PIK3C2G: variants seen among roughly 807,000 people sequenced by gnomAD.
PIK3C2G encodes phosphatidylinositol-4-phosphate 3-kinase catalytic subunit type 2 gamma.
Under a neutral mutation model 181.1 loss-of-function variants are expected in PIK3C2G, and 168 were observed. That is an observed-to-expected ratio of 0.93 (90% CI 0.82 to 1.05). The LOEUF is 1.05. Ranked by LOEUF, PIK3C2G falls within the 50% of genes least tolerant of loss-of-function variation. The pLI, the probability that PIK3C2G is intolerant of heterozygous loss-of-function variation, is 0.00. For missense variants in PIK3C2G, 1,869 were observed against 1,732.8 expected, an observed-to-expected ratio of 1.08 and a Z score of -1.40; for synonymous variants, 573 against 592.2, an observed-to-expected ratio of 0.97 and a Z score of 0.47.
intron 18 of PIK3C2G, among the ~76,000 whole-genome samples, chr12:18,439,083 C>T (rs1342517681): frequency 6.6e-6 from 1 of 151,790 alleles, no homozygotes; most frequent in Non-Finnish European, 1.5e-5. Context: ...CTCTTCTTGT[C>T]TTATCCTAAT....
At chr12:18,298,700 A>T (rs778329569) in intron 5 of PIK3C2G, among the ~76,000 whole-genome samples, 1 of 151,732 alleles carries the variant, frequency 6.6e-6, no homozygotes, top group Non-Finnish European at 1.5e-5. Flanking sequence ...TAAGTCTTTA[A>T]TGTACTTTGA....
chr12:18,373,018 C>CA (rs890334910), intron 13 of PIK3C2G, among the ~76,000 whole-genome samples: 54 of 151,750 alleles, frequency 3.6e-4, no homozygotes, highest in South Asian at 6.3e-4. Context: ...AAACATTTTT[C>CA]AAAAAAAACC....
Position 18,391,133 on chromosome 12 carries a change from A to G in PIK3C2G, c.2007A>G (p.Pro669=), listed in dbSNP as rs766685438. 1.2e-5 allele frequency: 19 copies of G among 1,597,690 alleles called. No homozygotes were observed. Among genetic ancestry groups the G allele is most frequent in the Non-Finnish European group, 3.4e-6 (4 of 1,173,120 alleles). Residue 669 remains proline, a synonymous_variant, in exon 15 of 33, where the codon CCA becomes CCG. Transcript: ENST00000538779. ...TTTTTTTCTTTCAGATTGATTTTCCAGCTACTGGGTGGGAGTATATGAAAC... is the reference window on the plus strand; with the variant it reads ...TTTTTTTCTTTCAGATTGATTTTCCGGCTACTGGGTGGGAGTATATGAAAC... The part of the protein sequence containing the change: ...PSPVTLQIDF[P]ATGWEYMKPD...
intron 11 of PIK3C2G, among the ~76,000 whole-genome samples, chr12:18,348,408 G>A (rs1298710030): frequency 6.6e-6 from 1 of 151,974 alleles, no homozygotes; most frequent in African/African-American, 2.4e-5. Context: ...TACATGCAGA[G>A]TAAAAATAGA....
chr12:18,546,344 G>A lies in PIK3C2G; in HGVS notation c.3502G>A (p.Glu1168Lys), dbSNP rs1381086997. The change falls in exon 26 of 33, where the codon GAG becomes AAG. Residue 1168 changes from glutamate to lysine, a missense_variant. Physicochemically the swap from Glu to Lys is moderately conservative, Grantham distance 56. Transcript: ENST00000538779. ...TAAGATGCTGTATGCAGGACTGCCT[G>A]AGCTAAGTGGAATTCAAGACCTGAA... Reference protein sequence around the residue: ...LEMMLYAGLPELSGIQDLKYV... With the variant: ...LEMMLYAGLPKLSGIQDLKYV... 14 of 1,594,940 alleles carry A rather than the reference G, an allele frequency of 8.8e-6. No individual in the cohort carries two copies. Among genetic ancestry groups the A allele is most frequent in the South Asian group, 1.1e-5 (1 of 88,324 alleles).
chr12:18,416,089 A>G (rs767782121), intron 16 of PIK3C2G, among the ~76,000 whole-genome samples: 1 of 152,136 alleles, frequency 6.6e-6, no homozygotes, highest in Admixed American at 6.5e-5. Flanking sequence ...TACTGAAAAT[A>G]CAAAAATTAG....
intron 18 of PIK3C2G, among the ~76,000 whole-genome samples, chr12:18,456,883 A>G (rs965115782): frequency 1.3e-5 from 2 of 152,188 alleles, no homozygotes; most frequent in African/African-American, 4.8e-5. Flanking sequence ...ATTTCTTTTT[A>G]GCTCCTGTAT....
At chr12:18,710,609 G>A in the PIK3C2G span, among the ~76,000 whole-genome samples, 12 of 152,116 alleles carry the variant, frequency 7.9e-5, no homozygotes, top group African/African-American at 2.7e-4. Context: ...AATAAGAAAA[G>A]AAGCAAGAAT....
At chr12:18,258,580 G>A (rs1236819302), upstream of PIK3C2G, among the ~76,000 whole-genome samples, 4 of 150,106 alleles carry the variant, frequency 2.7e-5, no homozygotes, top group South Asian at 2.1e-4. Flanking sequence ...AATGCCCTCC[G>A]GATCATCCAT....
intron 18 of PIK3C2G, among the ~76,000 whole-genome samples, chr12:18,486,911 T>C (rs189459977): frequency 7.1e-4 from 108 of 152,312 alleles, no homozygotes; most frequent in African/African-American, 2.5e-3. Flanking sequence ...GCATGCAACA[T>C]GCATTTGCTT....
At chr12:18,480,929 A>T (rs11502400) in intron 18 of PIK3C2G, among the ~76,000 whole-genome samples, 1 of 151,540 alleles carries the variant, frequency 6.6e-6, no homozygotes, top group Non-Finnish European at 1.5e-5. Flanking sequence ...TTATTTTTTT[A>T]TTTTTTTATT....
intron 31 of PIK3C2G, among the ~76,000 whole-genome samples, chr12:18,632,128 G>A (rs1949376057): frequency 6.6e-6 from 1 of 152,048 alleles, no homozygotes; most frequent in African/African-American, 2.4e-5. Flanking sequence ...CTGCAACAAA[G>A]AATTAAAAGA....
intron 26 of PIK3C2G, among the ~76,000 whole-genome samples, chr12:18,559,813 TATATATATAGAG>T (rs1231468796): frequency 3.6e-4 from 10 of 27,952 alleles, no homozygotes; most frequent in Admixed American, 4.3e-4. Context: ...TATATATATA[TATATATATAGAG>T]AGAGAGAGAG....
chr12:18,560,145 T>C (rs1945273091), intron 26 of PIK3C2G, among the ~76,000 whole-genome samples: 1 of 151,896 alleles, frequency 6.6e-6, no homozygotes, highest in Non-Finnish European at 1.5e-5. Flanking sequence ...TAATTTTTTT[T>C]TAATCACTAT....
intron 24 of PIK3C2G, among the ~76,000 whole-genome samples, chr12:18,530,958 A>C (rs911278620): frequency 2.6e-5 from 4 of 152,090 alleles, no homozygotes; most frequent in African/African-American, 9.7e-5. Flanking sequence ...GAATGGAATA[A>C]TACACCTTTG....
At chr12:18,584,986 C>A (rs1946696506) in intron 29 of PIK3C2G, among the ~76,000 whole-genome samples, 1 of 152,080 alleles carries the variant, frequency 6.6e-6, no homozygotes, top group South Asian at 2.1e-4. Context: ...TTCAAATAAG[C>A]AAATGCTGAT....
At chr12:18,720,492 T>C in the PIK3C2G span, among the ~76,000 whole-genome samples, 1 of 151,392 alleles carries the variant, frequency 6.6e-6, no homozygotes, top group African/African-American at 2.4e-5. Context: ...AGACTGGCTC[T>C]GGAAACAGCC....
chr12:18,578,070 T>C, intron 29 of PIK3C2G, among the ~76,000 whole-genome samples: 1 of 152,172 alleles, frequency 6.6e-6, no homozygotes, highest in South Asian at 2.1e-4. Context: ...CAGAGCCCCA[T>C]CCTTAAACAT....
chr12:18,693,036 C>T, the PIK3C2G span: 34,653 of 1,442,778 alleles, frequency 0.024, 579 homozygotes, highest in Middle Eastern at 0.036. Flanking sequence ...ACAAATGAAA[C>T]CATTAGAAGA....
Sources: allele counts gnomAD v4.1 joint callset (sites outside exome capture counted in the v4.1 genomes callset), GRCh38; gene constraint gnomAD v4.1.1; transcripts MANE v1.5; gene names NCBI Gene and HGNC (gene_info 2026-07-23, HGNC 2026-07-21).